The following DHX9 variants were observed in gnomAD, a reference collection of about 807,000 sequenced individuals.
DHX9 encodes the protein ATP-dependent RNA helicase A.
DHX9 carries 27 observed loss-of-function variants against 148.7 expected under a neutral mutation model. The ratio of observed to expected loss-of-function variants is 0.18; its 90% CI spans 0.13 to 0.25. The LOEUF (loss-of-function observed/expected upper bound fraction) is 0.25. Ranked by LOEUF, DHX9 falls within the 10% of genes least tolerant of loss-of-function variation. DHX9 has a pLI of 1.00. For synonymous variants in DHX9, 529 were observed against 516.6 expected, an observed-to-expected ratio of 1.02 and a Z score of -0.33; for missense variants, 796 against 1,559.6, an observed-to-expected ratio of 0.51 and a Z score of 8.25.
chr1:182,853,492 G>C, intron 5 of DHX9, 74 bp downstream of exon 5: 1 of 1,119,230 alleles, frequency 8.9e-7, no homozygotes, highest in South Asian at 1.4e-5. Context: ...CTTAGGATTA[G>C]GATATTCACA....
chr1:182,861,997 G>A (rs1668371240), intron 12 of DHX9, among the ~76,000 whole-genome samples: 1 of 152,190 alleles, frequency 6.6e-6, no homozygotes, highest in African/African-American at 2.4e-5. Context: ...CCTGTAATAT[G>A]AAAAGTAGGC....
At chr1:182,879,877 C>T (rs4636416) in intron 21 of DHX9, among the ~76,000 whole-genome samples, 14,582 of 152,036 alleles carry the variant, frequency 0.096, 1,052 homozygotes, top group African/African-American at 0.19. Flanking sequence ...AGGCATACAC[C>T]ACCACACCCG....
intron 24 of DHX9, among the ~76,000 whole-genome samples, chr1:182,882,930 GT>G (rs1368889168): frequency 6.6e-6 from 1 of 151,930 alleles, no homozygotes; most frequent in African/African-American, 2.4e-5. Flanking sequence ...GAATAGAGAC[GT>G]TTTCGTTTTC....
chr1:182,861,242 G>A (rs557588050), intron 12 of DHX9, among the ~76,000 whole-genome samples: 5 of 152,144 alleles, frequency 3.3e-5, no homozygotes, highest in African/African-American at 1.2e-4. Context: ...TAAGGCTGAT[G>A]ATACCTTAGG....
rs763531825 is a variant in DHX9 at position 182,856,600 on chromosome 1, A to G, written c.673+22A>G. The G allele has an allele frequency of 2.0e-5, 32 of 1,610,024 alleles. No homozygotes were observed. The African/African-American group carries it at 2.5e-4, about 13-fold the overall frequency. On this transcript the variant is annotated intron_variant, in intron 7 of 27. Coordinates refer to ENST00000367549, the MANE Select transcript of DHX9 (RefSeq NM_001357.5). ...AGAAGTAAGTGTTACTGTTTCCCCAATATTCCAAGTCTCTGTATAGAGAAG... is the reference window on the plus strand; with the variant it reads ...AGAAGTAAGTGTTACTGTTTCCCCAGTATTCCAAGTCTCTGTATAGAGAAG...
chr1:182,860,161 G>C lies in DHX9; in HGVS notation c.1309G>C (p.Glu437Gln). The C allele has an allele frequency of 1.2e-6, 2 of 1,610,280 alleles. No homozygotes were observed. The highest frequency in any genetic ancestry group is 1.7e-6 in the Non-Finnish European group (2 of 1,178,438). ...CTTTATCCAGAATGACCGAGCAGCA[G>C]AGTGTAACATCGTAGTAACTCAGGT... ...DDFIQNDRAA[E>Q]CNIVVTQPRR... The change falls in exon 12 of 28, where the codon GAG (glutamate) becomes CAG (glutamine). Residue 437 changes from glutamate (E) to glutamine (Q), a missense_variant. Physicochemically the swap from Glu to Gln is conservative, Grantham distance 29. Around this residue, in one of 14 missense-constraint regions of DHX9, gnomAD observed 58 missense variants for 122.8 expected, o/e 0.47. Transcript: ENST00000367549.
At chr1:182,861,374 A>G (rs1286671342) in intron 12 of DHX9, among the ~76,000 whole-genome samples, 1 of 152,196 alleles carries the variant, frequency 6.6e-6, no homozygotes, top group South Asian at 2.1e-4. Context: ...CTTACAGTGA[A>G]GGCTGCAGCC....
In DHX9 at chr1:182,872,505, G is replaced by A; in HGVS notation, c.1714+12G>A. 1 of 1,610,548 alleles carries A rather than the reference G, an allele frequency of 6.2e-7. No homozygotes were observed. The highest frequency in any genetic ancestry group is 8.5e-7 in the Non-Finnish European group (1 of 1,178,454). ...TTACCCAGTTCAAGGTAATATTGTGGGGGTGGTATAGGAACATCTTTTGTG... is the reference window on the plus strand; with the variant it reads ...TTACCCAGTTCAAGGTAATATTGTGAGGGTGGTATAGGAACATCTTTTGTG... On this transcript the variant is annotated intron_variant, in intron 15 of 27. Coordinates refer to ENST00000367549, the MANE Select transcript of DHX9 (RefSeq NM_001357.5).
At chr1:182,875,922 A>G (rs1472018213) in intron 16 of DHX9, 128 bp from the exon 17 acceptor site, 3 of 710,818 alleles carry the variant, frequency 4.2e-6, no homozygotes, top group Non-Finnish European at 7.0e-6. Flanking sequence ...TGTATTCTAT[A>G]GTGTGTGACT....
intron 12 of DHX9, among the ~76,000 whole-genome samples, chr1:182,860,626 A>ACTATTT (rs1455934353): frequency 6.6e-6 from 1 of 152,246 alleles, no homozygotes; most frequent in African/African-American, 2.4e-5. Context: ...AGATGTAAGT[A>ACTATTT]CTATTTCACA....
chr1:182,859,995 C>A lies in DHX9; in HGVS notation c.1143C>A (p.Ile381=). 6.2e-7 allele frequency: 1 copy of A among 1,607,470 alleles called. No homozygotes were observed. Among genetic ancestry groups the A allele is most frequent in the African/African-American group, 1.3e-5 (1 of 74,752 alleles). Reference sequence around the variant, plus strand: ...GAAGTGTGACTTTTCTAATGCAGATCTTGCAGGAGAGAGAGTTACTGCCTG... The same window carrying A: ...GAAGTGTGACTTTTCTAATGCAGATATTGCAGGAGAGAGAGTTACTGCCTG... ...QLEQDHDLQA[I]LQERELLPVK... Residue 381 remains isoleucine (I), a splice_region_variant and synonymous_variant, in exon 12 of 28, where the codon ATC becomes ATA. Coordinates refer to ENST00000367549, the MANE Select transcript of DHX9 (RefSeq NM_001357.5).
Position 182,887,456 on chromosome 1 carries a change from G to C in DHX9, c.*22G>C. On this transcript the variant is annotated 3_prime_UTR_variant, in exon 28 of 28. Transcript: ENST00000367549. ...TTAAAACTTGGTTATGTCAGTTCCT[G>C]TGTGTAGACAGTAAGGAAAAAAAGG... 6.3e-7 allele frequency: 1 copy of C among 1,593,182 alleles called. No homozygotes were observed. The highest frequency in any genetic ancestry group is 8.6e-7 in the Non-Finnish European group (1 of 1,166,170).
At position 182,859,108 on chromosome 1, in the gene DHX9, T is replaced by C. The variant is rs1668308606; in HGVS notation, c.1131T>C (p.Asp377=). Residue 377 remains aspartate (D), a synonymous_variant, in exon 11 of 28, where the codon GAT becomes GAC. Transcript: ENST00000367549. ...TGTACCAGTTGGAACAGGATCATGA[T>C]TTGCAAGCAGTAAGTCTGAATTATT... ...ELMYQLEQDH[D]LQAILQEREL... 1.2e-6 allele frequency: 2 copies of C among 1,613,866 alleles called. No homozygotes were observed. Among genetic ancestry groups the C allele is most frequent in the South Asian group, 2.2e-5 (2 of 91,056 alleles).
At chr1:182,849,992 C>CCCCCT (rs1491331436) in intron 3 of DHX9, among the ~76,000 whole-genome samples, 2 of 106,980 alleles carry the variant, frequency 1.9e-5, no homozygotes, top group African/African-American at 6.2e-5. Context: ...ACCCCCCCCC[C>CCCCCT]TTTTTTTTTT....
intron 27 of DHX9, 49 bp downstream of exon 27, chr1:182,884,862 T>TA (rs780196411): frequency 1.9e-6 from 3 of 1,575,718 alleles, no homozygotes; most frequent in Admixed American, 1.7e-5. Flanking sequence ...GGAGAGATCT[T>TA]ATGTAGGCCT....
intron 14 of DHX9, among the ~76,000 whole-genome samples, chr1:182,868,386 C>A (rs1378803793): frequency 3.1e-4 from 47 of 149,876 alleles, no homozygotes; most frequent in African/African-American, 7.8e-4. Context: ...GCATAACAGT[C>A]AAAAAAAAAT....
Position 182,858,593 on chromosome 1 carries a change from C to G in DHX9, c.853C>G (p.Gln285Glu). 6.2e-7 allele frequency: 1 copy of G among 1,611,520 alleles called. No homozygotes were observed. Among genetic ancestry groups the G allele is most frequent in the Non-Finnish European group, 8.5e-7 (1 of 1,178,290 alleles). The change falls in exon 9 of 28, where the codon CAG becomes GAG. Residue 285 changes from glutamine to glutamate, a missense_variant. Physicochemically the swap from Gln to Glu is conservative, Grantham distance 29. Around this residue, in one of 14 missense-constraint regions of DHX9, gnomAD observed 63 missense variants for 78.6 expected, o/e 0.80. Transcript: ENST00000367549. The part of the protein sequence containing the change: ...KVNLSQDLEH[Q>E]LQNIIQELNL... ...AAACCTCTCTCAAGATTTAGAGCAT[C>G]AGCTGCAAAACATCATTCAAGAGCT... is the stretch of plus-strand genomic sequence containing the variant.
At chr1:182,867,999 T>C (rs1571312722) in intron 14 of DHX9, among the ~76,000 whole-genome samples, 3 of 152,316 alleles carry the variant, frequency 2.0e-5, no homozygotes, top group Middle Eastern at 3.4e-3. Flanking sequence ...TTTTCTTTTT[T>C]CTTCTCCCAT....
chr1:182,843,705 CAG>C (rs976263543), intron 3 of DHX9, among the ~76,000 whole-genome samples: 1 of 152,100 alleles, frequency 6.6e-6, no homozygotes, highest in African/African-American at 2.4e-5. Flanking sequence ...CCAGAAATTT[CAG>C]AGTCTGTTAT....
Sources: gnomAD v4.1 joint callset for allele counts (sites outside exome capture counted in the v4.1 genomes callset) on GRCh38, gnomAD v4.1.1 for gene constraint, gnomAD v4.1.1 regional missense constraint, MANE v1.5 for transcripts, NCBI Gene and HGNC (gene_info 2026-07-23, HGNC 2026-07-21) for gene names.